GRID2: variants seen among roughly 807,000 people sequenced by gnomAD.
GRID2 encodes glutamate ionotropic receptor delta type subunit 2.
Under a neutral mutation model 114.8 loss-of-function variants are expected in GRID2, and 33 were observed. That is an observed-to-expected ratio of 0.29 (90% CI 0.22 to 0.38). GRID2 has a LOEUF of 0.38. GRID2 is among the 10% of genes least tolerant of loss of function. GRID2 has a pLI of 1.00. For missense variants in GRID2, 1,184 were observed against 1,257.7 expected (o/e 0.94, Z 0.89); for synonymous variants, 505 against 449.9 (o/e 1.12, Z -1.55).
At chr4:93,293,316 C>A (rs929307529) in intron 8 of GRID2, among the ~76,000 whole-genome samples, 1 of 152,002 alleles carries the variant, frequency 6.6e-6, no homozygotes, top group Non-Finnish European at 1.5e-5. Flanking sequence ...TACAGTTATA[C>A]GCTGCTGAGT....
intron 8 of GRID2, among the ~76,000 whole-genome samples, chr4:93,346,186 A>G (rs980438569): frequency 6.6e-6 from 1 of 152,150 alleles, no homozygotes; most frequent in Non-Finnish European, 1.5e-5. Context: ...ACCTTGAATT[A>G]AAATTAGTAG....
At chr4:93,632,227 C>T (rs1245766790) in intron 14 of GRID2, among the ~76,000 whole-genome samples, 1 of 152,096 alleles carries the variant, frequency 6.6e-6, no homozygotes, top group Non-Finnish European at 1.5e-5. Context: ...TTAATGAGAT[C>T]CCATTTGTCA....
At chr4:93,776,933 T>A (rs553262072), downstream of GRID2, among the ~76,000 whole-genome samples, 28 of 152,320 alleles carry the variant, frequency 1.8e-4, no homozygotes, top group African/African-American at 6.0e-4. Flanking sequence ...TGAGTCATGA[T>A]AATTCAAGCT....
intron 2 of GRID2, among the ~76,000 whole-genome samples, chr4:92,609,900 T>A (rs149895706): frequency 3.3e-5 from 5 of 151,714 alleles, no homozygotes; most frequent in Non-Finnish European, 7.4e-5. Flanking sequence ...GTGTATCTGT[T>A]AATTAGGCAT....
chr4:93,332,468 T>TAA (rs10634359), intron 8 of GRID2, among the ~76,000 whole-genome samples: 38,584 of 151,820 alleles, frequency 0.25, 8,219 homozygotes, highest in African/African-American at 0.58. Flanking sequence ...AATTTTAAGT[T>TAA]GTTTCTATTA....
chr4:92,745,917 G>C (rs993996662), intron 2 of GRID2, among the ~76,000 whole-genome samples: 4 of 152,112 alleles, frequency 2.6e-5, no homozygotes, highest in African/African-American at 9.7e-5. Context: ...ATAGGATTTG[G>C]CTGAAAATCA....
intron 4 of GRID2, among the ~76,000 whole-genome samples, chr4:93,147,529 CA>C (rs1736378229): frequency 6.6e-6 from 1 of 152,064 alleles, no homozygotes; most frequent in Non-Finnish European, 1.5e-5. Flanking sequence ...AAATGTGACA[CA>C]ATGCTGATCA....
intron 13 of GRID2, among the ~76,000 whole-genome samples, chr4:93,546,417 T>G (rs917500089): frequency 2.0e-5 from 3 of 152,172 alleles, no homozygotes; most frequent in Non-Finnish European, 4.4e-5. Flanking sequence ...GACATAGGGC[T>G]GAGCCAGGTG....
intron 2 of GRID2, among the ~76,000 whole-genome samples, chr4:92,952,155 C>T (rs1185893990): frequency 6.6e-6 from 1 of 152,124 alleles, no homozygotes; most frequent in Non-Finnish European, 1.5e-5. Flanking sequence ...GTGGACTTAG[C>T]CCGGTGATAT....
intron 4 of GRID2, among the ~76,000 whole-genome samples, chr4:93,116,275 T>A: frequency 6.6e-6 from 1 of 152,222 alleles, no homozygotes; most frequent in Middle Eastern, 3.2e-3. Context: ...CCCACAGATT[T>A]ACTTTTATAT....
chr4:93,169,723 A>G (rs1738611969), intron 4 of GRID2, among the ~76,000 whole-genome samples: 1 of 152,212 alleles, frequency 6.6e-6, no homozygotes, highest in Non-Finnish European at 1.5e-5. Context: ...CTTGTGCTGA[A>G]TAGCTTATTG....
intron 2 of GRID2, among the ~76,000 whole-genome samples, chr4:93,018,227 A>C (rs1431045395): frequency 6.6e-6 from 1 of 151,618 alleles, no homozygotes; most frequent in African/African-American, 2.4e-5. Context: ...TTGTTGAAAA[A>C]AAAAAAAAAA....
chr4:93,782,197 G>A lies in GRID2; in HGVS notation c.221+12747G>A, dbSNP rs1734494437. On this transcript the variant is annotated intron_variant, in intron 1 of 1. Transcript: ENST00000637838. ...CTTGAAATAGGTCCAGTGTCTCCAA[G>A]GTCCTTAAGGACCTTGGCTTCTAGT... Among the ~76,000 whole-genome samples the A allele has an allele frequency of 2.0e-5, 3 of 151,952 alleles. No individual in the cohort carries two copies. In the South Asian group the frequency reaches 6.2e-4, roughly 32 times the overall value.
intron 2 of GRID2, among the ~76,000 whole-genome samples, chr4:92,774,577 C>CTTTTTTTTTTT (rs1166044188): frequency 9.4e-6 from 1 of 106,368 alleles, no homozygotes; most frequent in African/African-American, 3.8e-5. Flanking sequence ...TTTTTCTTTC[C>CTTTTTTTTTTT]TTTTTTTTTT....
At chr4:92,981,544 T>C (rs1341671485) in intron 2 of GRID2, among the ~76,000 whole-genome samples, 2 of 152,020 alleles carry the variant, frequency 1.3e-5, no homozygotes, top group African/African-American at 4.8e-5. Flanking sequence ...AACCCTCATT[T>C]CCAAGGCCTC....
At chr4:92,901,499 C>A (rs1747581139) in intron 2 of GRID2, among the ~76,000 whole-genome samples, 1 of 152,102 alleles carries the variant, frequency 6.6e-6, no homozygotes, top group South Asian at 2.1e-4. Context: ...TTAATTCAGT[C>A]ATATTTGTCT....
chr4:92,566,226 G>A (rs955706032), intron 1 of GRID2, among the ~76,000 whole-genome samples: 2 of 151,764 alleles, frequency 1.3e-5, no homozygotes, highest in Non-Finnish European at 2.9e-5. Flanking sequence ...CTCAAAATAT[G>A]ATTTTCATGC....
At chr4:92,736,530 A>G (rs577867448) in intron 2 of GRID2, among the ~76,000 whole-genome samples, 6 of 152,216 alleles carry the variant, frequency 3.9e-5, no homozygotes, top group African/African-American at 7.2e-5. Flanking sequence ...ATTCTTACCT[A>G]TTTATTCCTT....
intron 2 of GRID2, among the ~76,000 whole-genome samples, chr4:92,792,364 G>A (rs757897431): frequency 2.6e-5 from 4 of 151,246 alleles, no homozygotes; most frequent in South Asian, 2.1e-4. Flanking sequence ...TTAATACCTC[G>A]TGTGAGACAC....
Sources: allele counts gnomAD v4.1 joint callset (sites outside exome capture counted in the v4.1 genomes callset), GRCh38; gene constraint gnomAD v4.1.1; transcripts MANE v1.5; gene names NCBI Gene and HGNC (gene_info 2026-07-23, HGNC 2026-07-21).